CNTNAP2: variants seen among roughly 807,000 people sequenced by gnomAD.
The protein encoded by CNTNAP2 is contactin associated protein 2.
In CNTNAP2, 98 loss-of-function variants were observed where a neutral mutation model predicts 155.2. The ratio of observed to expected loss-of-function variants is 0.63; its 90% CI spans 0.54 to 0.75. The LOEUF (loss-of-function observed/expected upper bound fraction) is 0.75, where lower values mean the gene tolerates loss of function less well. CNTNAP2 is among the 30% of genes least tolerant of loss of function. The pLI is 0.00. For missense variants in CNTNAP2, 1,727 were observed against 1,688.1 expected (o/e 1.02, Z -0.40); for synonymous variants, 651 against 631.2 (o/e 1.03, Z -0.47).
At chr7:147,718,630 GT>G (rs200893651) in intron 13 of CNTNAP2, among the ~76,000 whole-genome samples, 2,499 of 152,142 alleles carry the variant, frequency 0.016, 222 homozygotes, top group Admixed American at 0.15. Context: ...GACTCTTCTT[GT>G]TATGCAAATG....
chr7:146,123,908 AC>A lies in CNTNAP2; in HGVS notation c.97+6936del, dbSNP rs1797598557. Among the ~76,000 whole-genome samples the A allele has an allele frequency of 2.0e-5, 3 of 152,356 alleles. No homozygotes were observed. In the South Asian group the frequency reaches 6.2e-4, roughly 32 times the overall value. ...ATGTGACAAGTACACACCATGGAAT[AC>A]TATGCAGCCATAAAAAAGGACGAGT... is the stretch of plus-strand genomic sequence containing the variant. On this transcript the variant is annotated intron_variant, in intron 1 of 23. Transcript: ENST00000361727.
intron 1 of CNTNAP2, among the ~76,000 whole-genome samples, chr7:146,490,267 A>C (rs1189597172): frequency 6.6e-6 from 1 of 152,230 alleles, no homozygotes; most frequent in African/African-American, 2.4e-5. Flanking sequence ...TGTTTTAATC[A>C]CTAGGAAAAA....
intron 5 of CNTNAP2, among the ~76,000 whole-genome samples, chr7:147,114,188 T>A (rs1189116016): frequency 6.6e-6 from 1 of 152,150 alleles, no homozygotes; most frequent in East Asian, 1.9e-4. Context: ...ACTGTTATGA[T>A]TTCAGTCCTT....
intron 16 of CNTNAP2, among the ~76,000 whole-genome samples, chr7:148,140,842 A>G (rs559671576): frequency 1.3e-5 from 2 of 152,362 alleles, no homozygotes; most frequent in East Asian, 3.9e-4. Context: ...GGACATCCCA[A>G]GGGCTTAGAT....
intron 21 of CNTNAP2, among the ~76,000 whole-genome samples, chr7:148,341,755 G>A (rs1563050591): frequency 6.6e-6 from 1 of 152,200 alleles, no homozygotes; most frequent in Non-Finnish European, 1.5e-5. Context: ...TCTCTCACTA[G>A]TGAAAGGGTC....
chr7:147,931,724 T>C (rs1372619741), intron 14 of CNTNAP2, among the ~76,000 whole-genome samples: 2 of 152,042 alleles, frequency 1.3e-5, no homozygotes, highest in African/African-American at 2.4e-5. Flanking sequence ...GAAACATTGA[T>C]GAAAAAAATT....
chr7:147,363,185 G>A (rs1272321382), intron 9 of CNTNAP2, among the ~76,000 whole-genome samples: 7 of 152,108 alleles, frequency 4.6e-5, no homozygotes, highest in Non-Finnish European at 8.8e-5. Flanking sequence ...GATGGGATTA[G>A]CACTCCTATA....
intron 13 of CNTNAP2, among the ~76,000 whole-genome samples, chr7:147,813,283 C>G (rs1382564835): frequency 6.6e-6 from 1 of 152,146 alleles, no homozygotes; most frequent in Non-Finnish European, 1.5e-5. Context: ...CAAAACATCA[C>G]ATTTTTTACC....
chr7:146,256,780 A>C (rs113359818), intron 1 of CNTNAP2, among the ~76,000 whole-genome samples: 4 of 152,190 alleles, frequency 2.6e-5, no homozygotes, highest in South Asian at 2.1e-4. Context: ...TCCTTCAATT[A>C]CTGGTGGGAA....
intron 1 of CNTNAP2, among the ~76,000 whole-genome samples, chr7:146,220,692 ATC>A (rs1799193080): frequency 6.6e-6 from 1 of 152,208 alleles, no homozygotes; most frequent in African/African-American, 2.4e-5. Flanking sequence ...AATATATAAT[ATC>A]TGATTAATAC....
chr7:147,156,036 C>A (rs975585994), intron 8 of CNTNAP2, among the ~76,000 whole-genome samples: 3 of 152,118 alleles, frequency 2.0e-5, no homozygotes, highest in African/African-American at 7.2e-5. Flanking sequence ...GGAAATGCAA[C>A]AGGAACAAGT....
chr7:147,621,137 T>G (rs1074677), intron 12 of CNTNAP2, among the ~76,000 whole-genome samples: 1 of 152,152 alleles, frequency 6.6e-6, no homozygotes, highest in Non-Finnish European at 1.5e-5. Context: ...CTGGTGATGA[T>G]ATCCTTCAAA....
At chr7:146,222,573 T>TGTGTGTGTGC (rs1362333975) in intron 1 of CNTNAP2, among the ~76,000 whole-genome samples, 2 of 138,616 alleles carry the variant, frequency 1.4e-5, no homozygotes, top group African/African-American at 5.1e-5. Flanking sequence ...TGTGTGTGTG[T>TGTGTGTGTGC]GTGCGTGCAC....
chr7:146,638,902 A>G (rs1276913609), intron 1 of CNTNAP2, among the ~76,000 whole-genome samples: 1 of 152,142 alleles, frequency 6.6e-6, no homozygotes, highest in Non-Finnish European at 1.5e-5. Flanking sequence ...CTATACACCT[A>G]AGGCTGTATG....
chr7:147,914,696 C>T (rs1170812813), intron 14 of CNTNAP2, among the ~76,000 whole-genome samples: 3 of 152,112 alleles, frequency 2.0e-5, no homozygotes, highest in Non-Finnish European at 4.4e-5. Context: ...ACTATAGGCA[C>T]AAACCACCAC....
chr7:147,666,665 CT>C (rs1795701818), intron 13 of CNTNAP2, among the ~76,000 whole-genome samples: 2 of 152,178 alleles, frequency 1.3e-5, no homozygotes, highest in African/African-American at 4.8e-5. Flanking sequence ...GTATCATGTT[CT>C]TTTGTGCTTA....
chr7:146,798,754 T>C (rs2129190929), intron 2 of CNTNAP2, among the ~76,000 whole-genome samples: 1 of 152,326 alleles, frequency 6.6e-6, no homozygotes, highest in Non-Finnish European at 1.5e-5. Flanking sequence ...GGGCAGATTT[T>C]TTTTGGTGCA....
intron 8 of CNTNAP2, among the ~76,000 whole-genome samples, chr7:147,276,199 G>A (rs764697612): frequency 6.7e-6 from 1 of 148,842 alleles, no homozygotes; most frequent in Non-Finnish European, 1.5e-5. Flanking sequence ...CATAGAATTA[G>A]TTAGGAAAGA....
chr7:147,466,451 T>C (rs1314729713), intron 10 of CNTNAP2, among the ~76,000 whole-genome samples: 1 of 152,192 alleles, frequency 6.6e-6, no homozygotes, highest in Non-Finnish European at 1.5e-5. Flanking sequence ...GGTTCTGGTT[T>C]CTATGACCCA....
Sources: allele counts gnomAD v4.1 joint callset (sites outside exome capture counted in the v4.1 genomes callset), GRCh38; gene constraint gnomAD v4.1.1; transcripts MANE v1.5; gene names NCBI Gene and HGNC (gene_info 2026-07-23, HGNC 2026-07-21).